DLG5: variants seen among roughly 807,000 people sequenced by gnomAD.
DLG5 encodes the protein discs large MAGUK scaffold protein 5, also known as disks large homolog 5.
In DLG5, 48 loss-of-function variants were observed where a neutral mutation model predicts 189.8. The observed-to-expected ratio is 0.25, with a 90% CI of 0.20 to 0.32. The LOEUF is 0.32. Ranked by LOEUF, DLG5 falls within the 10% of genes least tolerant of loss-of-function variation. DLG5 has a pLI of 1.00. For synonymous variants in DLG5, 1,016 were observed against 1,054.1 expected, an observed-to-expected ratio of 0.96 and a Z score of 0.70; for missense variants, 2,160 against 2,544.7, an observed-to-expected ratio of 0.85 and a Z score of 3.25.
chr10:77,836,798 T>C (rs1843160249), intron 7 of DLG5, among the ~76,000 whole-genome samples: 1 of 152,124 alleles, frequency 6.6e-6, no homozygotes, highest in African/African-American at 2.4e-5. Context: ...GACCTCACGG[T>C]TTCTGGGGGT....
At chr10:77,856,967 T>TTGGCTTG in intron 2 of DLG5, 75 bp from the exon 3 acceptor site, 1 of 1,439,476 alleles carries the variant, frequency 6.9e-7, no homozygotes. Context: ...TCCTGAGCTG[T>TTGGCTTG]TGGCTTGTGT....
At position 77,843,497 on chromosome 10, in the gene DLG5, C is replaced by T. The variant is rs1256539937; in HGVS notation, c.1074G>A (p.Gln358=). Residue 358 remains glutamine, a synonymous_variant, in exon 6 of 32, where the codon CAG becomes CAA. Transcript: ENST00000372391. ...GCTGCAGCTGGATGGCCGTGTCCCT[C>T]TGCTGGGTCAGCATCTCTGTCTGCT... ...LLKQTEMLTQ[Q]RDTAIQLQHQ... The T allele has an allele frequency of 3.1e-6, 5 of 1,614,178 alleles. No individual in the cohort carries two copies. Among genetic ancestry groups the T allele is most frequent in the East Asian group, 2.2e-5 (1 of 44,890 alleles).
rs997413010 is a variant in DLG5, at chr10:77,812,268, C to T, written c.4135G>A (p.Val1379Met). 8.1e-6 allele frequency: 13 copies of T among 1,614,178 alleles called. No individual in the cohort carries two copies. The highest frequency in any genetic ancestry group is 1.1e-5 in the South Asian group (1 of 91,084). Residue 1379 changes from valine (V) to methionine (M), a missense_variant, in exon 21 of 32, where the codon GTG becomes ATG. Physicochemically the swap from Val to Met is conservative, Grantham distance 21. This residue lies in a region of DLG5 where 61 missense variants were observed against 101.0 expected (regional missense o/e 0.60). Coordinates refer to ENST00000372391, the MANE Select transcript of DLG5 (RefSeq NM_004747.4). ...KGGIYVSKVT[V>M]GSIAHQAGLE... ...CCAGCCTGGTGAGCGATGCTCCCCA[C>T]GGTCACCTTGGAGACGTAGATGCCG...
chr10:77,911,134 T>C (rs1285457369), intron 1 of DLG5, among the ~76,000 whole-genome samples: 1 of 152,192 alleles, frequency 6.6e-6, no homozygotes, highest in East Asian at 1.9e-4. Context: ...GTTTTATTGA[T>C]TGATTGATTG....
intron 5 of DLG5, among the ~76,000 whole-genome samples, chr10:77,846,927 C>T (rs1215787747): frequency 1.3e-5 from 2 of 152,092 alleles, no homozygotes; most frequent in African/African-American, 2.4e-5. Context: ...TGAAATGACA[C>T]AAAGCCCGGT....
chr10:77,908,347 A>G (rs1161391610), intron 1 of DLG5, among the ~76,000 whole-genome samples: 1 of 151,982 alleles, frequency 6.6e-6, no homozygotes. Flanking sequence ...ATCCTCACCT[A>G]CCCACCTGCG....
At chr10:77,808,331 A>G (rs1841582278) in intron 24 of DLG5, among the ~76,000 whole-genome samples, 1 of 152,144 alleles carries the variant, frequency 6.6e-6, no homozygotes, top group African/African-American at 2.4e-5. Flanking sequence ...CAGTGGTGCA[A>G]TCACAGCTCA....
At chr10:77,842,367 G>C (rs189642114) in intron 6 of DLG5, among the ~76,000 whole-genome samples, 174 bp from the exon 7 acceptor site, 11 of 152,270 alleles carry the variant, frequency 7.2e-5, no homozygotes, top group Admixed American at 3.9e-4. Flanking sequence ...CAGTGCCCCC[G>C]GACCTGGAAT....
intron 1 of DLG5, among the ~76,000 whole-genome samples, chr10:77,883,032 C>T (rs750946922): frequency 6.6e-6 from 1 of 152,142 alleles, no homozygotes; most frequent in Non-Finnish European, 1.5e-5. Flanking sequence ...CGCAATTCTA[C>T]GCTGACTTTC....
At chr10:77,806,608 T>C (rs1028601571) in intron 26 of DLG5, 150 bp downstream of exon 26, 60 of 1,122,198 alleles carry the variant, frequency 5.3e-5, no homozygotes, top group Admixed American at 1.3e-4. Flanking sequence ...CCAGCACTTT[T>C]GGCAAAATGT....
At chr10:77,813,602 A>G (rs1158281670) in intron 20 of DLG5, among the ~76,000 whole-genome samples, 1 of 152,176 alleles carries the variant, frequency 6.6e-6, no homozygotes, top group Non-Finnish European at 1.5e-5. Flanking sequence ...TGAGAGCTGC[A>G]GAGCCCTCAG....
chr10:77,882,339 C>T (rs1202538099), intron 1 of DLG5, among the ~76,000 whole-genome samples: 1 of 152,182 alleles, frequency 6.6e-6, no homozygotes, highest in African/African-American at 2.4e-5. Context: ...AGTCTTTATA[C>T]AGTCAGTATT....
chr10:77,900,205 G>A (rs746234736), intron 1 of DLG5, among the ~76,000 whole-genome samples: 18 of 152,110 alleles, frequency 1.2e-4, no homozygotes, highest in Non-Finnish European at 7.4e-5. Flanking sequence ...AGCAGATTTG[G>A]AGGCCAGATC....
Position 77,792,322 on chromosome 10 carries a change from G to C in DLG5, c.*118C>G. 9.5e-7 allele frequency: 1 copy of C among 1,057,478 alleles called. No homozygotes were observed. Among genetic ancestry groups the C allele is most frequent in the Non-Finnish European group, 1.4e-6 (1 of 696,230 alleles). The allele number at this position is 1,057,478 out of a possible 1,614,324, so 65.5% of individuals were successfully genotyped here. A position where few individuals can be genotyped will look rare whatever the true frequency, so the allele number is the denominator to read the frequency against. On this transcript the variant is annotated 3_prime_UTR_variant, in exon 32 of 32. Coordinates refer to ENST00000372391, the MANE Select transcript of DLG5 (RefSeq NM_004747.4). ...GGAGGTGCTTCTGGGTCCTGGTTCCGGATCCTTCCCCCGCATGTTCATAGA... is the reference window on the plus strand; with the variant it reads ...GGAGGTGCTTCTGGGTCCTGGTTCCCGATCCTTCCCCCGCATGTTCATAGA...
chr10:77,926,973 C>G (rs961260286), upstream of DLG5: 25 of 375,786 alleles, frequency 6.7e-5, no homozygotes, highest in Non-Finnish European at 9.7e-5. The surrounding 1 kb of genome is among the most constrained non-coding windows in gnomAD (Gnocchi z 5.2). Flanking sequence ...TCGCCTGGGC[C>G]GTGTTTCCCA....
intron 11 of DLG5, 112 bp from the exon 12 acceptor site, chr10:77,829,642 A>G: frequency 7.8e-7 from 1 of 1,280,446 alleles, no homozygotes; most frequent in Middle Eastern, 2.1e-4. Context: ...CCTCACATAC[A>G]CGCTCAGAAA....
chr10:77,938,376 A>C, the DLG5 span, among the ~76,000 whole-genome samples: 1 of 152,116 alleles, frequency 6.6e-6, no homozygotes, highest in Non-Finnish European at 1.5e-5. Flanking sequence ...GGCTGCAGTG[A>C]GCTATGATTG....
At chr10:77,908,322 G>A (rs1013666125) in intron 1 of DLG5, among the ~76,000 whole-genome samples, 1 of 152,146 alleles carries the variant, frequency 6.6e-6, no homozygotes, top group African/African-American at 2.4e-5. Context: ...ATCCTGGGAA[G>A]GCCAGCCAGT....
chr10:77,912,268 G>C (rs1343716489), intron 1 of DLG5: 1 of 150,610 alleles, frequency 6.6e-6, no homozygotes, highest in Admixed American at 6.6e-5. Flanking sequence ...TTTATTTATA[G>C]AGATGGGGTA....
Sources: gnomAD v4.1 joint callset for allele counts (sites outside exome capture counted in the v4.1 genomes callset) on GRCh38, gnomAD v4.1.1 for gene constraint, gnomAD v4.1.1 regional missense constraint, Gnocchi (gnomAD v3.1) non-coding constraint, MANE v1.5 for transcripts, NCBI Gene and HGNC (gene_info 2026-07-23, HGNC 2026-07-21) for gene names.